The following ZSCAN10 variants were observed in gnomAD, a reference collection of about 807,000 sequenced individuals.
ZSCAN10 encodes the protein zinc finger and SCAN domain containing 10, also known as zinc finger and SCAN domain-containing protein 10.
In ZSCAN10, 52 loss-of-function variants were observed where a neutral mutation model predicts 63.7. That is an observed-to-expected ratio of 0.82 (90% CI 0.65 to 1.03). The LOEUF (loss-of-function observed/expected upper bound fraction) is 1.03. Ranked by LOEUF, ZSCAN10 falls within the 50% of genes least tolerant of loss-of-function variation. The probability of loss-of-function intolerance (pLI) is 0.00; values close to 1 mark genes in which losing one functional copy is unlikely to be tolerated. For missense variants in ZSCAN10, 1,223 were observed against 1,103.8 expected (o/e 1.11, Z -1.53); for synonymous variants, 544 against 479.6 (o/e 1.13, Z -1.76).
intron 5 of ZSCAN10, among the ~76,000 whole-genome samples, chr16:3,091,220 G>A (rs1957069995): frequency 1.3e-5 from 2 of 152,242 alleles, no homozygotes; most frequent in Non-Finnish European, 2.9e-5. Context: ...GCTGAGGTGG[G>A]AGGATTACCT....
intron 1 of ZSCAN10, among the ~76,000 whole-genome samples, chr16:3,093,631 G>C (rs1389980294): frequency 6.6e-6 from 1 of 151,454 alleles, no homozygotes; most frequent in Non-Finnish European, 1.5e-5. Flanking sequence ...GGAGCACATG[G>C]CACCATCAAG....
At position 3,089,187 on chromosome 16, in the gene ZSCAN10, G is replaced by C. The variant is rs566855016; in HGVS notation, c.2247C>G (p.Ala749=). Residue 749 remains alanine, a synonymous_variant, in exon 6 of 6, where the codon GCC becomes GCG. Transcript: ENST00000576985. ...LLRHLLVHTG[A]RPYSCTQCGR... ...CACACTGCGTGCAGGAGTAGGGCCT[G>C]GCGCCCGTGTGCACCAGCAGGTGTC... 3 of 1,576,504 alleles carry C rather than the reference G, an allele frequency of 1.9e-6. No homozygotes were observed. The South Asian group carries it at 3.5e-5, about 18-fold the overall frequency.
chr16:3,096,944 AAAAT>A (rs1957160556), intron 1 of ZSCAN10, among the ~76,000 whole-genome samples: 2 of 151,664 alleles, frequency 1.3e-5, no homozygotes, highest in Non-Finnish European at 2.9e-5. Flanking sequence ...AAAAAAAAAA[AAAAT>A]TATCCGGGCA....
At position 3,090,417 on chromosome 16, in the gene ZSCAN10, G is replaced by C. The variant is rs751185919; in HGVS notation, c.1017C>G (p.Pro339=). ...TGAACTGCAACTCCGGATTGGGCTCGGGGACGCCCTCAGCCACTTTGACCT... is the reference window on the plus strand; with the variant it reads ...TGAACTGCAACTCCGGATTGGGCTCCGGGACGCCCTCAGCCACTTTGACCT... ...ILEVKVAEGV[P]EPNPELQFIC... The change falls in exon 6 of 6, where the codon CCC becomes CCG. Residue 339 remains proline (P), a synonymous_variant. Transcript: ENST00000576985. 2 of 1,613,776 alleles carry C rather than the reference G, an allele frequency of 1.2e-6. No homozygotes were observed. The highest frequency in any genetic ancestry group is 1.1e-5 in the South Asian group (1 of 91,076).
rs748571995 is a variant in ZSCAN10, at chr16:3,091,752, G to A, written c.729+12C>T. The A allele has an allele frequency of 6.0e-5, 95 of 1,574,606 alleles. No homozygotes were observed. In the South Asian group the frequency reaches 7.3e-4, roughly 12 times the overall value. On this transcript the variant is annotated intron_variant, in intron 4 of 5. Transcript: ENST00000576985. ...GGGGCTTGAGGACACCCTGGGGTGCGGCCCAGCTCACCAGCACAGCCGCCA... is the reference window on the plus strand; with the variant it reads ...GGGGCTTGAGGACACCCTGGGGTGCAGCCCAGCTCACCAGCACAGCCGCCA...
intron 1 of ZSCAN10, among the ~76,000 whole-genome samples, chr16:3,097,455 G>T (rs1957166745): frequency 6.6e-6 from 1 of 152,212 alleles, no homozygotes; most frequent in Admixed American, 6.5e-5. Flanking sequence ...CCATCCAGGT[G>T]TTGAGGGGCT....
chr16:3,094,288 A>G (rs1364599630), intron 1 of ZSCAN10, among the ~76,000 whole-genome samples: 1 of 152,186 alleles, frequency 6.6e-6, no homozygotes, highest in Non-Finnish European at 1.5e-5. Flanking sequence ...TGCTGGAATT[A>G]CAGGCGTGAG....
intron 2 of ZSCAN10, 50 bp downstream of exon 2, chr16:3,092,492 C>A: frequency 6.9e-7 from 1 of 1,454,066 alleles, no homozygotes; most frequent in East Asian, 2.4e-5. Context: ...CTGGGGGGAT[C>A]AAGTCCCCAT....
At position 3,095,759 on chromosome 16, in the gene ZSCAN10, T is replaced by C. The variant is rs562625997; in HGVS notation, c.-67-2755A>G. Among the ~76,000 whole-genome samples, 452 of 137,902 alleles carry C rather than the reference T, an allele frequency of 3.3e-3. 4 individuals are homozygous for C. The highest frequency in any genetic ancestry group is 0.012 in the African/African-American group (428 of 36,222). 90.5% of individuals were successfully genotyped at this position (137,902 alleles called of 152,430 possible). A position where few individuals can be genotyped will look rare whatever the true frequency, so the allele number is the denominator to read the frequency against. On this transcript the variant is annotated intron_variant, in intron 1 of 5. Transcript: ENST00000576985. ...AGGAGAATGGCGTGAAACAGGGAGG[T>C]AGAGCTTGCAATGAGCCAAGATCGC...
At chr16:3,092,486 G>A in intron 2 of ZSCAN10, 56 bp downstream of exon 2, 7 of 1,458,530 alleles carry the variant, frequency 4.8e-6, no homozygotes, top group Non-Finnish European at 5.4e-6. Flanking sequence ...TCCTCACTGG[G>A]GGGATCAAGT....
At chr16:3,091,291 TC>T (rs1957071052) in intron 5 of ZSCAN10, among the ~76,000 whole-genome samples, 1 of 151,232 alleles carries the variant, frequency 6.6e-6, no homozygotes, top group African/African-American at 2.4e-5. Context: ...GCGAGTAACA[TC>T]CTGTTTCAAA....
chr16:3,098,979 T>A (rs551297962), intron 1 of ZSCAN10, among the ~76,000 whole-genome samples: 37 of 152,324 alleles, frequency 2.4e-4, no homozygotes, highest in African/African-American at 8.7e-4. Flanking sequence ...CAGGAAGTTC[T>A]GCGATCTCCC....
Position 3,089,348 on chromosome 16 carries a change from C to G in ZSCAN10, c.2086G>C (p.Gly696Arg). The G allele has an allele frequency of 6.3e-7, 1 of 1,594,286 alleles. No homozygotes were observed. The highest frequency in any genetic ancestry group is 8.5e-7 in the Non-Finnish European group (1 of 1,175,550). Residue 696 changes from glycine (G) to arginine (R), a missense_variant, in exon 6 of 6, where the codon GGT becomes CGT. By Grantham distance (125) the Gly-to-Arg change is moderately radical. Transcript: ENST00000576985. ...GERPYSCQTC[G>R]RSFRRNAHLR... Reference sequence around the variant, plus strand: ...TGCGCGTTGCGCCGGAAGCTGCGACCGCACGTCTGACAGCTGTAGGGCCGC... The same window carrying G: ...TGCGCGTTGCGCCGGAAGCTGCGACGGCACGTCTGACAGCTGTAGGGCCGC...
At position 3,091,592 on chromosome 16, in the gene ZSCAN10, G is replaced by A; in HGVS notation, c.735C>T (p.Cys245=). The A allele has an allele frequency of 6.2e-7, 1 of 1,614,196 alleles. No homozygotes were observed. Among genetic ancestry groups the A allele is most frequent in the South Asian group, 1.1e-5 (1 of 91,084 alleles). The change falls in exon 5 of 6, where the codon TGC becomes TGT. Residue 245 remains cysteine (C), a synonymous_variant. Transcript: ENST00000576985. ...TCTCTGGCACATCCTCAAAGGTCAG[G>A]CACTCCTGTATCAAGAGCAGAAACC... ...RDQELAAVLE[C]LTFEDVPENK... is the part of the protein sequence containing the mutation.
At position 3,092,453 on chromosome 16, in the gene ZSCAN10, G is replaced by A; in HGVS notation, c.396+89C>T. The A allele has an allele frequency of 2.7e-6, 4 of 1,470,706 alleles. No individual in the cohort carries two copies. The South Asian group carries it at 4.1e-5, about 15-fold the overall frequency. The allele number at this position is 1,470,706 out of a possible 1,614,324, so 91.1% of individuals were successfully genotyped here. A position where few individuals can be genotyped will look rare whatever the true frequency, so the allele number is the denominator to read the frequency against. On this transcript the variant is annotated intron_variant, in intron 2 of 5. Coordinates refer to ENST00000576985, the MANE Select transcript of ZSCAN10 (RefSeq NM_032805.3). The stretch of plus-strand genomic sequence containing the variant: ...AGGTGAAGAAGGAATGGTCAGGTGG[G>A]GGAAAGTGAAGTTTCCAGAGATTCC...
In ZSCAN10 at chr16:3,090,115, C is replaced by T. The variant is rs779959056; in HGVS notation, c.1319G>A (p.Gly440Asp). 1 of 1,601,036 alleles carries T rather than the reference C, an allele frequency of 6.2e-7. No individual in the cohort carries two copies. The highest frequency in any genetic ancestry group is 8.5e-7 in the Non-Finnish European group (1 of 1,177,436). ...CACAAGGCTGGCGCGGCGCTGGAAG[C>T]CGCGGCCGCACTCTGCGCACAGGAA... is the stretch of plus-strand genomic sequence containing the variant. ...PAFLCAECGR[G>D]FQRRASLVQH... The change falls in exon 6 of 6, where the codon GGC (glycine) becomes GAC (aspartate). Residue 440 changes from glycine (G) to aspartate (D), a missense_variant. Gly to Asp is a moderately conservative substitution (Grantham distance 94). Transcript: ENST00000576985.
At position 3,089,669 on chromosome 16, in the gene ZSCAN10, G is replaced by T; in HGVS notation, c.1765C>A (p.Arg589Ser). Residue 589 changes from arginine to serine, a missense_variant, in exon 6 of 6, where the codon CGC (arginine) becomes AGC (serine). Arg to Ser is a moderately radical substitution (Grantham distance 110). Transcript: ENST00000576985. ...ACPQCGKRFV[R>S]RASLARHLLT... ...AGGTGGCGGGCAAGGCTGGCCCGGC[G>T]CACAAAGCGCTTCCCGCACTGCGGA... 6.3e-7 allele frequency: 1 copy of T among 1,596,988 alleles called. No homozygotes were observed. The highest frequency in any genetic ancestry group is 8.5e-7 in the Non-Finnish European group (1 of 1,172,482).
intron 1 of ZSCAN10, among the ~76,000 whole-genome samples, chr16:3,095,019 T>C (rs1957136163): frequency 1.3e-5 from 2 of 152,026 alleles, no homozygotes; most frequent in Admixed American, 6.6e-5. Flanking sequence ...AGGGGCCTGA[T>C]ATATGAGATA....
At position 3,089,050 on chromosome 16, in the gene ZSCAN10, G is replaced by A. The variant is rs772007968; in HGVS notation, c.*41C>T. ...CAGGCCTCCGCTGTGGAGGACCCCG[G>A]GTAGGTGGCGCAGGGCGCGGCTGGC... On this transcript the variant is annotated 3_prime_UTR_variant, in exon 6 of 6. Coordinates refer to ENST00000576985, the MANE Select transcript of ZSCAN10 (RefSeq NM_032805.3). The A allele has an allele frequency of 6.9e-7, 1 of 1,453,616 alleles. No homozygotes were observed. The highest frequency in any genetic ancestry group is 2.7e-5 in the Admixed American group (1 of 37,700). The allele number at this position is 1,453,616 out of a possible 1,614,324, so 90.0% of individuals were successfully genotyped here.
Sources: allele counts gnomAD v4.1 joint callset (sites outside exome capture counted in the v4.1 genomes callset), GRCh38; gene constraint gnomAD v4.1.1; transcripts MANE v1.5; gene names NCBI Gene and HGNC (gene_info 2026-07-23, HGNC 2026-07-21).